Variants in CORO1C observed in about 807,000 individuals in gnomAD.
CORO1C encodes the protein coronin 1C, also known as coronin-1C.
A neutral mutation model predicts 51.2 loss-of-function variants in CORO1C; 14 were observed. That is an observed-to-expected ratio of 0.27 (90% CI 0.18 to 0.43). The LOEUF (loss-of-function observed/expected upper bound fraction) is 0.43. Among genes scored for constraint, CORO1C ranks in the 20% least tolerant of loss-of-function variants. CORO1C has a pLI of 1.00. For missense variants in CORO1C, 417 were observed against 607.8 expected (o/e 0.69, Z 3.30); for synonymous variants, 181 against 210.5 (o/e 0.86, Z 1.21).
intron 1 of CORO1C, among the ~76,000 whole-genome samples, chr12:108,729,904 G>A (rs1298897047): frequency 6.6e-6 from 1 of 152,134 alleles, no homozygotes; most frequent in African/African-American, 2.4e-5. Context: ...CTGGTGTCAG[G>A]AGAACGTTCT....
chr12:108,665,655 G>C (rs1391906970), intron 3 of CORO1C, among the ~76,000 whole-genome samples: 1 of 152,184 alleles, frequency 6.6e-6, no homozygotes, highest in African/African-American at 2.4e-5. Context: ...TCACTGCATA[G>C]AGAAAACATT....
intron 2 of CORO1C, among the ~76,000 whole-genome samples, chr12:108,697,729 C>T (rs2136861225): frequency 6.6e-6 from 1 of 152,316 alleles, no homozygotes; most frequent in Middle Eastern, 3.4e-3. Context: ...CACCTCAGTA[C>T]CAGCAATCTG....
chr12:108,655,646 T>A (rs2032927887), intron 6 of CORO1C, among the ~76,000 whole-genome samples: 1 of 152,204 alleles, frequency 6.6e-6, no homozygotes, highest in Admixed American at 6.5e-5. Flanking sequence ...CCTCCCGAGG[T>A]GCCGGGATTG....
At chr12:108,664,262 G>GA (rs1262401542) in intron 3 of CORO1C, among the ~76,000 whole-genome samples, 1 of 152,158 alleles carries the variant, frequency 6.6e-6, no homozygotes, top group Non-Finnish European at 1.5e-5. Context: ...GAACACGTGA[G>GA]AAAAAGAATT....
intron 1 of CORO1C, among the ~76,000 whole-genome samples, chr12:108,710,558 TTTTC>T (rs2035150395): frequency 6.6e-6 from 1 of 151,938 alleles, no homozygotes; most frequent in African/African-American, 2.4e-5. Flanking sequence ...AAGTTAAAAT[TTTTC>T]TTTTTTTTTT....
chr12:108,711,720 A>C (rs1438104941), intron 1 of CORO1C, among the ~76,000 whole-genome samples: 1 of 152,026 alleles, frequency 6.6e-6, no homozygotes, highest in Non-Finnish European at 1.5e-5. Flanking sequence ...CTACATAGGA[A>C]ACATGTAGGG....
intron 1 of CORO1C, among the ~76,000 whole-genome samples, chr12:108,719,391 G>A (rs1420820367): frequency 1.3e-5 from 2 of 152,176 alleles, no homozygotes; most frequent in South Asian, 2.1e-4. Context: ...ACCACTTATC[G>A]TGAATACAAT....
chr12:108,657,058 A>G (rs529802738), intron 6 of CORO1C, among the ~76,000 whole-genome samples: 1 of 135,694 alleles, frequency 7.4e-6, no homozygotes, highest in Admixed American at 7.6e-5. Context: ...AATTAAAATT[A>G]AAAAAAATTA....
chr12:108,723,210 G>C (rs1014343511), intron 1 of CORO1C, among the ~76,000 whole-genome samples: 6 of 152,186 alleles, frequency 3.9e-5, no homozygotes, highest in African/African-American at 1.4e-4. Context: ...GCTTAACAGA[G>C]ATGACAGCGC....
intron 1 of CORO1C, among the ~76,000 whole-genome samples, chr12:108,714,935 A>G (rs1433587486): frequency 2.6e-5 from 4 of 152,208 alleles, no homozygotes; most frequent in Non-Finnish European, 4.4e-5. Context: ...ACTCACTGGC[A>G]ATGTGAAGCA....
At chr12:108,715,264 T>C (rs1231581922) in intron 1 of CORO1C, among the ~76,000 whole-genome samples, 1 of 151,926 alleles carries the variant, frequency 6.6e-6, no homozygotes, top group African/African-American at 2.4e-5. Flanking sequence ...AAAACAAAAC[T>C]GTAATTCCCT....
At chr12:108,692,794 CTTTTTTTTT>C (rs11447073) in intron 2 of CORO1C, among the ~76,000 whole-genome samples, 1 of 111,662 alleles carries the variant, frequency 9.0e-6, no homozygotes, top group African/African-American at 3.5e-5. Context: ...TAGACCACAG[CTTTTTTTTT>C]TTTTTTTTTT....
intron 3 of CORO1C, among the ~76,000 whole-genome samples, chr12:108,672,843 T>C (rs1242448894): frequency 6.6e-6 from 1 of 152,226 alleles, no homozygotes; most frequent in Non-Finnish European, 1.5e-5. Context: ...ACTACTGTAA[T>C]TGTTTCGGGG....
intron 1 of CORO1C, among the ~76,000 whole-genome samples, chr12:108,718,346 C>T (rs1029071714): frequency 4.8e-5 from 7 of 146,898 alleles, no homozygotes; most frequent in Non-Finnish European, 8.9e-5. Flanking sequence ...CCAGCCTGGG[C>T]GACAAGAGTG....
chr12:108,662,036 A>T lies in CORO1C; in HGVS notation c.441T>A (p.Leu147=), dbSNP rs1426490840. ...AWHPTARNVL[L]SAGCDNAIII... ...GCTGAGCTCAGCTCCCACCTGCACT[A>T]AGAAGCACATTGCGGGCCGTTGGAT... Residue 147 remains leucine, a synonymous_variant, in exon 4 of 11, where the codon CTT becomes CTA. Transcript: ENST00000261401. 7 of 1,614,182 alleles carry T rather than the reference A, an allele frequency of 4.3e-6. No homozygotes were observed. The highest frequency in any genetic ancestry group is 5.9e-6 in the Non-Finnish European group (7 of 1,180,024).
intron 2 of CORO1C, 80 bp from the exon 3 acceptor site, chr12:108,678,474 T>G: frequency 8.3e-7 from 1 of 1,204,506 alleles, no homozygotes; most frequent in African/African-American, 1.6e-5. Context: ...CATTTCTCAT[T>G]TATTACCTCC....
At chr12:108,667,072 G>A (rs1362615) in intron 3 of CORO1C, among the ~76,000 whole-genome samples, 149,700 of 151,848 alleles carry the variant, frequency 0.99, 73,808 homozygotes, top group East Asian at 1. Flanking sequence ...AGAATAGCGC[G>A]TGGCAAAAAA....
chr12:108,670,420 C>G (rs1175133738), intron 3 of CORO1C, among the ~76,000 whole-genome samples: 1 of 152,196 alleles, frequency 6.6e-6, no homozygotes, highest in African/African-American at 2.4e-5. Context: ...AAATCACCCA[C>G]AGCGGGCTCC....
At chr12:108,675,999 AATAG>A (rs2033893687) in intron 3 of CORO1C, among the ~76,000 whole-genome samples, 2 of 152,340 alleles carry the variant, frequency 1.3e-5, no homozygotes, top group African/African-American at 2.4e-5. Context: ...AGGGCTTCCG[AATAG>A]ATAAATTGTA....
Sources: gnomAD v4.1 joint callset for allele counts (sites outside exome capture counted in the v4.1 genomes callset) on GRCh38, gnomAD v4.1.1 for gene constraint, MANE v1.5 for transcripts, NCBI Gene and HGNC (gene_info 2026-07-23, HGNC 2026-07-21) for gene names.